SPATA2: variants seen among roughly 807,000 people sequenced by gnomAD.
SPATA2 encodes spermatogenesis associated 2.
Under a neutral mutation model 35.4 loss-of-function variants are expected in SPATA2, and 8 were observed. The ratio of observed to expected loss-of-function variants is 0.23; its 90% CI spans 0.13 to 0.41. SPATA2 has a LOEUF of 0.41. Ranked by LOEUF, SPATA2 falls within the 10% of genes least tolerant of loss-of-function variation. The probability of loss-of-function intolerance (pLI) is 1.00; values close to 1 mark genes in which losing one functional copy is unlikely to be tolerated. For missense variants in SPATA2, 650 were observed against 698.7 expected (o/e 0.93, Z 0.79); for synonymous variants, 293 against 300.9 (o/e 0.97, Z 0.27).
chr20:49,907,443 T>G (rs2090154321), intron 2 of SPATA2, among the ~76,000 whole-genome samples: 1 of 152,170 alleles, frequency 6.6e-6, no homozygotes, highest in Non-Finnish European at 1.5e-5. Flanking sequence ...AGAGAGAGCC[T>G]GGGCAAACAT....
chr20:49,905,482 GC>G lies in SPATA2; in HGVS notation c.*136del. ...CTAAGTGAACTCCCACGTGGACACA[GC>G]CAGCCCACGATCTCTGCCACCTACA... On this transcript the variant is annotated 3_prime_UTR_variant, in exon 3 of 3. Coordinates refer to ENST00000289431, the MANE Select transcript of SPATA2 (RefSeq NM_006038.4). 8 of 927,370 alleles carry G rather than the reference GC, an allele frequency of 8.6e-6. No individual in the cohort carries two copies. Among genetic ancestry groups the G allele is most frequent in the Non-Finnish European group, 1.3e-5 (8 of 617,656 alleles). 57.4% of individuals were successfully genotyped at this position (927,370 alleles called of 1,614,324 possible).
Position 49,905,694 on chromosome 20 carries a change from A to C in SPATA2, c.1488T>G (p.Ser496Arg). The change falls in exon 3 of 3, where the codon AGT (serine) becomes AGG (arginine). Residue 496 changes from serine (S) to arginine (R), a missense_variant. Coordinates refer to ENST00000289431, the MANE Select transcript of SPATA2 (RefSeq NM_006038.4). Reference protein sequence around the residue: ...AYHYDPCYKKSELHKFMPNNQ... With the variant: ...AYHYDPCYKKRELHKFMPNNQ... ...TGTTGGGCATGAACTTGTGCAGCTC[A>C]CTCTTTTTGTAGCAGGGGTCATAAT... 1.9e-6 allele frequency: 3 copies of C among 1,614,006 alleles called. No individual in the cohort carries two copies. The highest frequency in any genetic ancestry group is 2.5e-6 in the Non-Finnish European group (3 of 1,179,988).
At chr20:49,909,833 C>G (rs1041428840) in intron 1 of SPATA2, among the ~76,000 whole-genome samples, 1 of 152,204 alleles carries the variant, frequency 6.6e-6, no homozygotes, top group Non-Finnish European at 1.5e-5. Flanking sequence ...ATACAAAGAG[C>G]CACGTGAAGC....
At position 49,908,349 on chromosome 20, in the gene SPATA2, T is replaced by C; in HGVS notation, c.142A>G (p.Thr48Ala). Reference sequence around the variant, plus strand: ...TCCACCTTGTGCAGGCTGAGCAGGGTTGAGGCTGCCACCCGCAGGCACTCA... The same window carrying C: ...TCCACCTTGTGCAGGCTGAGCAGGGCTGAGGCTGCCACCCGCAGGCACTCA... The part of the protein sequence containing the change: ...SDECLRVAAS[T>A]LLSLHKVDPF... Residue 48 changes from threonine to alanine, a missense_variant, in exon 2 of 3, where the codon ACC becomes GCC. Coordinates refer to ENST00000289431, the MANE Select transcript of SPATA2 (RefSeq NM_006038.4). 6.2e-7 allele frequency: 1 copy of C among 1,614,224 alleles called. No homozygotes were observed. The highest frequency in any genetic ancestry group is 1.7e-4 in the Middle Eastern group (1 of 6,058).
intron 1 of SPATA2, among the ~76,000 whole-genome samples, chr20:49,914,776 T>C (rs566844809): frequency 6.6e-6 from 1 of 152,334 alleles, no homozygotes; most frequent in East Asian, 1.9e-4. Flanking sequence ...AGCTCGGTCA[T>C]TCCTACAGCC....
rs1568904532 is a variant in SPATA2 at position 49,903,938 on chromosome 20, TATATA to T, written c.*1676_*1680del. The T allele has an allele frequency of 1.3e-4, 8 of 60,272 alleles. No individual in the cohort carries two copies. The highest frequency in any genetic ancestry group is 4.1e-4 in the African/African-American group (8 of 19,646). The allele number at this position is 60,272 out of a possible 1,614,324, so 3.7% of individuals were successfully genotyped here. On this transcript the variant is annotated 3_prime_UTR_variant, in exon 3 of 3. Transcript: ENST00000289431. ...ATATATATATATATATATATATATA[TATATA>T]TATATATATTAAAAAGAGAGCCATA...
chr20:49,906,199 T>C lies in SPATA2; in HGVS notation c.983A>G (p.Tyr328Cys), dbSNP rs775035283. The C allele has an allele frequency of 1.0e-5, 16 of 1,579,106 alleles. No individual in the cohort carries two copies. The highest frequency in any genetic ancestry group is 1.7e-5 in the Admixed American group (1 of 57,828). ...SNGPALLRGTYFSTQDDVDLY... is the reference protein window; with the variant it reads ...SNGPALLRGTCFSTQDDVDLY... The stretch of plus-strand genomic sequence containing the variant: ...ATCCACGTCATCCTGAGTGGAGAAG[T>C]AGGTACCGCGCAGCAGGGCCGGGCC... The change falls in exon 3 of 3, where the codon TAC becomes TGC. Residue 328 changes from tyrosine (Y) to cysteine (C), a missense_variant. Physicochemically the swap from Tyr to Cys is radical, Grantham distance 194. Coordinates refer to ENST00000289431, the MANE Select transcript of SPATA2 (RefSeq NM_006038.4). This position sits in a 1 kb window ranked among gnomAD's most constrained non-coding sequence, Gnocchi z 8.2.
rs1239602305 is a variant in SPATA2 at position 49,905,963 on chromosome 20, C to T, written c.1219G>A (p.Ala407Thr). 8.1e-6 allele frequency: 13 copies of T among 1,609,262 alleles called. No individual in the cohort carries two copies. Among genetic ancestry groups the T allele is most frequent in the African/African-American group, 1.3e-5 (1 of 75,026 alleles). The change falls in exon 3 of 3, where the codon GCT becomes ACT. Residue 407 changes from alanine to threonine, a missense_variant. Physicochemically the swap from Ala to Thr is moderately conservative, Grantham distance 58. Coordinates refer to ENST00000289431, the MANE Select transcript of SPATA2 (RefSeq NM_006038.4). ...CTGGGGAAGGCGCTGGGCTTGGAAG[C>T]TGGAGGACAGGTGAGCAGGCTGTCA... ...RCDSLLTCPP[A>T]SKPSAFPSKA... is the part of the protein sequence containing the mutation.
In SPATA2 at chr20:49,906,118, GGCCGCAGAGCATCCT is replaced by G. The variant is rs2090141489; in HGVS notation, c.1049_1063del (p.Gln350_Arg354del). 6.2e-7 allele frequency: 1 copy of G among 1,612,370 alleles called. No homozygotes were observed. Among genetic ancestry groups the G allele is most frequent in the Non-Finnish European group, 8.5e-7 (1 of 1,179,494 alleles). ...ATCGTTTCTGAGCAGCCACACATCC[GGCCGCAGAGCATCCT>G]GCCGACGGTAGGTGGCCCTGGGTTC... is the stretch of plus-strand genomic sequence containing the variant. On this transcript the variant is annotated inframe_deletion, in exon 3 of 3. Coordinates refer to ENST00000289431, the MANE Select transcript of SPATA2 (RefSeq NM_006038.4). The surrounding 1 kb of genome is among the most constrained non-coding windows in gnomAD (Gnocchi z 8.2).
At chr20:49,912,581 A>T (rs1019219403) in intron 1 of SPATA2, among the ~76,000 whole-genome samples, 1 of 152,216 alleles carries the variant, frequency 6.6e-6, no homozygotes, top group African/African-American at 2.4e-5. Flanking sequence ...AACCATTCAA[A>T]CACAGAGACA....
Position 49,906,968 on chromosome 20 carries a change from A to C in SPATA2, c.337-123T>G. On this transcript the variant is annotated intron_variant, in intron 2 of 2. Transcript: ENST00000289431. This position sits in a 1 kb window ranked among gnomAD's most constrained non-coding sequence, Gnocchi z 8.2. ...GCGGCGGGGAGAGGGCAGGGCAGGGAAGGATCTCGACAGCCTCACCCTGCG... is the reference window on the plus strand; with the variant it reads ...GCGGCGGGGAGAGGGCAGGGCAGGGCAGGATCTCGACAGCCTCACCCTGCG... 9.2e-7 allele frequency: 1 copy of C among 1,083,226 alleles called. No homozygotes were observed. The highest frequency in any genetic ancestry group is 1.3e-6 in the Non-Finnish European group (1 of 762,620). 67.1% of individuals were successfully genotyped at this position (1,083,226 alleles called of 1,614,324 possible).
rs1479189873 is a variant in SPATA2 at position 49,908,223 on chromosome 20, T to C, written c.268A>G (p.Ser90Gly). 1.2e-6 allele frequency: 2 copies of C among 1,613,864 alleles called. No individual in the cohort carries two copies. The highest frequency in any genetic ancestry group is 1.7e-6 in the Non-Finnish European group (2 of 1,179,994). Residue 90 changes from serine to glycine, a missense_variant, in exon 2 of 3, where the codon AGC becomes GGC. By Grantham distance (56) the Ser-to-Gly change is moderately conservative. Coordinates refer to ENST00000289431, the MANE Select transcript of SPATA2 (RefSeq NM_006038.4). ...TTGATGCCCACCGTCTCCAGCATGC[T>C]GAAGGCGCCGTGCAGAGCCCGCAGG... is the stretch of plus-strand genomic sequence containing the variant. ...SSLRALHGAF[S>G]MLETVGINLF...
intron 2 of SPATA2, among the ~76,000 whole-genome samples, chr20:49,907,669 G>A (rs1417311418): frequency 1.3e-5 from 2 of 151,984 alleles, no homozygotes; most frequent in Non-Finnish European, 2.9e-5. Flanking sequence ...CCCCCGCGTG[G>A]TCTGATTCAG....
chr20:49,906,074 T>G lies in SPATA2; in HGVS notation c.1108A>C (p.Lys370Gln). The change falls in exon 3 of 3, where the codon AAG becomes CAG. Residue 370 changes from lysine (K) to glutamine (Q), a missense_variant. Lys to Gln is a moderately conservative substitution (Grantham distance 53). Transcript: ENST00000289431. The surrounding 1 kb of genome is among the most constrained non-coding windows in gnomAD (Gnocchi z 8.2). The part of the protein sequence containing the change: ...LRNDAHSLYH[K>Q]RSPPAKESAL... ...GACTCTTTGGCAGGGGGCGAGCGCT[T>G]GTGGTAGAGGGAGTGGGCATCGTTT... 1 of 1,608,550 alleles carries G rather than the reference T, an allele frequency of 6.2e-7. No individual in the cohort carries two copies. The highest frequency in any genetic ancestry group is 8.5e-7 in the Non-Finnish European group (1 of 1,179,620).
At chr20:49,909,172 G>A (rs2090168097) in intron 1 of SPATA2, among the ~76,000 whole-genome samples, 1 of 152,100 alleles carries the variant, frequency 6.6e-6, no homozygotes, top group Admixed American at 6.5e-5. Context: ...ACAGGCACCT[G>A]CCACCACGCC....
rs752675900 is a variant in SPATA2, at chr20:49,906,268, G to T, written c.914C>A (p.Pro305His). 4 of 1,572,192 alleles carry T rather than the reference G, an allele frequency of 2.5e-6. No homozygotes were observed. Among genetic ancestry groups the T allele is most frequent in the South Asian group, 1.2e-5 (1 of 83,190 alleles). The change falls in exon 3 of 3, where the codon CCC becomes CAC. Residue 305 changes from proline (P) to histidine (H), a missense_variant. Coordinates refer to ENST00000289431, the MANE Select transcript of SPATA2 (RefSeq NM_006038.4). The surrounding 1 kb of genome is among the most constrained non-coding windows in gnomAD (Gnocchi z 8.2). ...SPSLLTMASS[P>H]HGSPDVLPPA... ...TGGAAGCACATCCGGGCTGCCGTGG[G>T]GGGAGCTGGCCATGGTCAGCAGCGA...
intron 1 of SPATA2, among the ~76,000 whole-genome samples, chr20:49,914,166 A>G (rs979812991): frequency 1.3e-5 from 2 of 152,154 alleles, no homozygotes; most frequent in African/African-American, 2.4e-5. Flanking sequence ...CCTTCTTGAA[A>G]AGCAAGTCAA....
At position 49,903,628 on chromosome 20, in the gene SPATA2, AG is replaced by A. The variant is rs2146823821; in HGVS notation, c.*1990del. The A allele has an allele frequency of 6.6e-6, 1 of 152,110 alleles. No individual in the cohort carries two copies. Among genetic ancestry groups the A allele is most frequent in the Admixed American group, 6.6e-5 (1 of 15,258 alleles). 9.4% of individuals were successfully genotyped at this position (152,110 alleles called of 1,614,324 possible). On this transcript the variant is annotated 3_prime_UTR_variant, in exon 3 of 3. Coordinates refer to ENST00000289431, the MANE Select transcript of SPATA2 (RefSeq NM_006038.4). Reference sequence around the variant, plus strand: ...ACAGGTACACTGGACTTTCCCTCCTAGGATGTGTTAGTCATTCCTGCTTTTG... The same window carrying A: ...ACAGGTACACTGGACTTTCCCTCCTAGATGTGTTAGTCATTCCTGCTTTTG...
In SPATA2 at chr20:49,905,277, C is replaced by T. The variant is rs967402304; in HGVS notation, c.*342G>A. 6.9e-4 allele frequency: 188 copies of T among 271,782 alleles called. 1 individual carries two copies. Among genetic ancestry groups the T allele is most frequent in the Non-Finnish European group, 7.1e-5 (10 of 141,240 alleles). 16.8% of individuals were successfully genotyped at this position (271,782 alleles called of 1,614,324 possible). On this transcript the variant is annotated 3_prime_UTR_variant, in exon 3 of 3. Coordinates refer to ENST00000289431, the MANE Select transcript of SPATA2 (RefSeq NM_006038.4). ...GGGAGGGGTAGGTGCAGCGAGGGTC[C>T]CAGAGACAGAAATCCTCTTTAAAGG...
Sources: gnomAD v4.1 joint callset for allele counts (sites outside exome capture counted in the v4.1 genomes callset) on GRCh38, gnomAD v4.1.1 for gene constraint, Gnocchi (gnomAD v3.1) non-coding constraint, MANE v1.5 for transcripts, NCBI Gene and HGNC (gene_info 2026-07-23, HGNC 2026-07-21) for gene names.